KCNG2: variants seen among roughly 807,000 people sequenced by gnomAD.
KCNG2 encodes the protein voltage-gated potassium channel regulatory subunit KCNG2.
KCNG2 carries 7 observed loss-of-function variants against 12.3 expected under a neutral mutation model. The observed-to-expected ratio is 0.57, with a 90% CI of 0.32 to 1.07. The LOEUF is 1.07. KCNG2 is among the 50% of genes least tolerant of loss of function. The probability of loss-of-function intolerance (pLI) is 0.04; values close to 1 mark genes in which losing one functional copy is unlikely to be tolerated. For missense variants in KCNG2, 703 were observed against 726.0 expected, an observed-to-expected ratio of 0.97 and a Z score of 0.36; for synonymous variants, 414 against 351.4, an observed-to-expected ratio of 1.18 and a Z score of -1.99.
intron 3 of KCNG2, among the ~76,000 whole-genome samples, chr18:79,893,073 C>T (rs1164345497): frequency 1.3e-5 from 2 of 151,774 alleles, no homozygotes; most frequent in Admixed American, 6.6e-5. Context: ...TTGGGTTGTT[C>T]GCTCCATTCA....
chr18:79,869,598 T>C (rs1979750793), intron 3 of KCNG2, among the ~76,000 whole-genome samples: 1 of 152,196 alleles, frequency 6.6e-6, no homozygotes, highest in African/African-American at 2.4e-5. Flanking sequence ...GATCGTTCAC[T>C]CCATTGCTGG....
intron 3 of KCNG2, among the ~76,000 whole-genome samples, chr18:79,887,304 A>G (rs1980561268): frequency 6.6e-6 from 1 of 152,014 alleles, no homozygotes; most frequent in Non-Finnish European, 1.5e-5. Flanking sequence ...GGAAATGCTG[A>G]GACAGCAGAG....
intron 3 of KCNG2, among the ~76,000 whole-genome samples, chr18:79,868,319 C>T (rs1012602280): frequency 1.3e-5 from 2 of 152,100 alleles, no homozygotes; most frequent in Non-Finnish European, 2.9e-5. Flanking sequence ...TCGCCCTCCG[C>T]GTGGGGCCTG....
chr18:79,892,759 A>T (rs1262112509), intron 3 of KCNG2, among the ~76,000 whole-genome samples: 2 of 150,524 alleles, frequency 1.3e-5, no homozygotes, highest in Admixed American at 6.6e-5. Flanking sequence ...TGGGTTGTTC[A>T]CTCCATTCAA....
chr18:79,863,947 C>A lies in KCNG2; in HGVS notation c.280C>A (p.Arg94=). 2 of 1,325,146 alleles carry A rather than the reference C, an allele frequency of 1.5e-6. No individual in the cohort carries two copies. The highest frequency in any genetic ancestry group is 1.8e-5 in the South Asian group (1 of 54,304). The allele number at this position is 1,325,146 out of a possible 1,614,324, so 82.1% of individuals were successfully genotyped here. The stretch of plus-strand genomic sequence containing the variant: ...GCGCGCAGGGAAGCTGCGACTGCTG[C>A]GGGGCCCGTGCGCGCTGGCCTTCCG... The part of the protein sequence containing the change: ...LLRAGKLRLL[R]GPCALAFRDE... Residue 94 remains arginine (R), a synonymous_variant, in exon 3 of 4, where the codon CGG becomes AGG. Transcript: ENST00000316249.
At chr18:79,890,035 A>T (rs1382186417) in intron 3 of KCNG2, among the ~76,000 whole-genome samples, 1 of 152,206 alleles carries the variant, frequency 6.6e-6, no homozygotes, top group African/African-American at 2.4e-5. Context: ...TGATTTTCAG[A>T]TGTTAAGCCA....
intron 3 of KCNG2, among the ~76,000 whole-genome samples, chr18:79,870,044 C>A (rs948268939): frequency 5.3e-5 from 8 of 152,210 alleles, no homozygotes; most frequent in African/African-American, 1.2e-4. Flanking sequence ...CCCCCAGCCA[C>A]CTGGGGGTGG....
intron 1 of KCNG2, among the ~76,000 whole-genome samples, chr18:79,825,192 C>T (rs1368318229): frequency 6.6e-6 from 1 of 152,140 alleles, no homozygotes; most frequent in South Asian, 2.1e-4. Flanking sequence ...CTCTGTTTCC[C>T]GAGAACATCT....
At chr18:79,898,505 G>A (rs1981060492) in intron 3 of KCNG2, among the ~76,000 whole-genome samples, 1 of 152,208 alleles carries the variant, frequency 6.6e-6, no homozygotes, top group South Asian at 2.1e-4. Flanking sequence ...GCTGAGGGCG[G>A]AATGTGAGAT....
chr18:79,887,194 TGGGGACAGGGACAC>T, intron 3 of KCNG2, among the ~76,000 whole-genome samples: 1 of 147,700 alleles, frequency 6.8e-6, no homozygotes, highest in African/African-American at 2.5e-5. Context: ...ACAGGACAGA[TGGGGACAGGGACAC>T]GGGGATATAG....
intron 1 of KCNG2, among the ~76,000 whole-genome samples, chr18:79,841,042 G>T (rs774141608): frequency 1.7e-4 from 26 of 152,164 alleles, no homozygotes; most frequent in Non-Finnish European, 3.7e-4. Flanking sequence ...GTTGAGGCGG[G>T]TAGGATTACT....
intron 1 of KCNG2, among the ~76,000 whole-genome samples, chr18:79,853,496 A>C (rs1210660637): frequency 6.6e-6 from 1 of 152,106 alleles, no homozygotes; most frequent in African/African-American, 2.4e-5. Flanking sequence ...AGACCAGCCT[A>C]GTTAGGGCTG....
At chr18:79,872,443 C>T (rs1215532047) in intron 3 of KCNG2, among the ~76,000 whole-genome samples, 1 of 151,966 alleles carries the variant, frequency 6.6e-6, no homozygotes, top group Non-Finnish European at 1.5e-5. Context: ...ACCACCACGC[C>T]CAGCTAATTT....
chr18:79,835,992 T>G (rs1169694863), intron 1 of KCNG2, among the ~76,000 whole-genome samples: 7 of 152,106 alleles, frequency 4.6e-5, no homozygotes, highest in Non-Finnish European at 8.8e-5. Context: ...CAGAAAACAG[T>G]ACAAAATGGA....
At chr18:79,817,873 G>T (rs1030276965) in intron 1 of KCNG2, among the ~76,000 whole-genome samples, 1 of 152,204 alleles carries the variant, frequency 6.6e-6, no homozygotes, top group Non-Finnish European at 1.5e-5. Context: ...GTTTGAGCCC[G>T]TGGAAGCCCA....
intron 1 of KCNG2, among the ~76,000 whole-genome samples, chr18:79,852,911 G>A (rs1007083747): frequency 1.3e-5 from 2 of 152,280 alleles, no homozygotes; most frequent in Non-Finnish European, 2.9e-5. Flanking sequence ...TCCTACCTTA[G>A]CAGAGTCTTT....
chr18:79,879,724 A>G (rs1980220607), intron 3 of KCNG2, among the ~76,000 whole-genome samples: 1 of 152,224 alleles, frequency 6.6e-6, no homozygotes, highest in African/African-American at 2.4e-5. Flanking sequence ...ATTGGCTCAG[A>G]ATTCAAGACA....
At position 79,848,322 on chromosome 18, in the gene KCNG2, C is replaced by A. The variant is rs184580542; in HGVS notation, c.-114-8057C>A. On this transcript the variant is annotated intron_variant, in intron 1 of 3. Transcript: ENST00000316249. ...CAGCCTAAAACACCAGAAATGTATT[C>A]TCTCAACCCCGGGAGTCCCAAGTAC... 4.6e-5 allele frequency among the ~76,000 whole-genome samples: 7 copies of A among 152,350 alleles called. No individual in the cohort carries two copies. The East Asian group carries it at 1.4e-3, about 29-fold the overall frequency.
chr18:79,823,736 A>G (rs2087590217), intron 1 of KCNG2, among the ~76,000 whole-genome samples: 1 of 151,930 alleles, frequency 6.6e-6, no homozygotes, highest in Middle Eastern at 3.2e-3. Context: ...CCAGCTCTTT[A>G]TGCACATTTG....
Sources: allele counts gnomAD v4.1 joint callset (sites outside exome capture counted in the v4.1 genomes callset), GRCh38; gene constraint gnomAD v4.1.1; transcripts MANE v1.5; gene names NCBI Gene and HGNC (gene_info 2026-07-23, HGNC 2026-07-21).